AKAP8L: variants seen among roughly 807,000 people sequenced by gnomAD.
AKAP8L encodes the protein A-kinase anchor protein 8-like.
AKAP8L carries 34 observed loss-of-function variants against 77.5 expected under a neutral mutation model. That is an observed-to-expected ratio of 0.44 (90% CI 0.33 to 0.58). AKAP8L has a LOEUF of 0.58. Ranked by LOEUF, AKAP8L falls within the 20% of genes least tolerant of loss-of-function variation. The probability of loss-of-function intolerance (pLI) is 0.02; values close to 1 mark genes in which losing one functional copy is unlikely to be tolerated. For synonymous variants in AKAP8L, 342 were observed against 340.7 expected, an observed-to-expected ratio of 1.00 and a Z score of -0.04; for missense variants, 806 against 887.6, an observed-to-expected ratio of 0.91 and a Z score of 1.17.
intron 2 of AKAP8L, among the ~76,000 whole-genome samples, chr19:15,408,787 G>T (rs1343338983): frequency 6.6e-6 from 1 of 150,780 alleles, no homozygotes; most frequent in Admixed American, 6.6e-5. Flanking sequence ...CGGGAGAATG[G>T]CATGAACCCA....
rs190942147 is a variant in AKAP8L, at chr19:15,402,681, C to G, written c.362+794G>C. Among the ~76,000 whole-genome samples, 350 of 152,344 alleles carry G rather than the reference C, an allele frequency of 2.3e-3. 2 individuals carry two copies. Among genetic ancestry groups the G allele is most frequent in the South Asian group, 5.0e-3 (24 of 4,828 alleles). On this transcript the variant is annotated intron_variant, in intron 4 of 13. Coordinates refer to ENST00000397410, the MANE Select transcript of AKAP8L (RefSeq NM_014371.4). ...CCTATCAGTGCTCAGCCAGGCAACT[C>G]CTTACTCTTGGCTCTCACTCATCTG...
In AKAP8L at chr19:15,397,970, A is replaced by C. The variant is rs1967812751; in HGVS notation, c.1158-115T>G. The C allele has an allele frequency of 7.5e-7, 1 of 1,332,666 alleles. No individual in the cohort carries two copies. Among genetic ancestry groups the C allele is most frequent in the Admixed American group, 2.2e-5 (1 of 46,322 alleles). The allele number at this position is 1,332,666 out of a possible 1,614,324, so 82.6% of individuals were successfully genotyped here. ...ACAGGCCTTGCTCACGGGCCTCTGA[A>C]GTACGGTCCCAGCAGAGGGACAGGC... On this transcript the variant is annotated intron_variant, in intron 9 of 13. Transcript: ENST00000397410. The surrounding 1 kb of genome is among the most constrained non-coding windows in gnomAD (Gnocchi z 4.7).
Position 15,398,496 on chromosome 19 carries a change from C to G in AKAP8L, c.1158-641G>C. 3.5e-6 allele frequency: 3 copies of G among 860,290 alleles called. No homozygotes were observed. The highest frequency in any genetic ancestry group is 1.8e-5 in the African/African-American group (1 of 54,830). The allele number at this position is 860,290 out of a possible 1,614,324, so 53.3% of individuals were successfully genotyped here. On this transcript the variant is annotated intron_variant, in intron 9 of 13. Transcript: ENST00000397410. This position sits in a 1 kb window ranked among gnomAD's most constrained non-coding sequence, Gnocchi z 9.2. ...CCTGCCAGAGGGCAGCCTGGAGTCACCTGGGCGAGGTGCTCTGTCTGGGCC... is the reference window on the plus strand; with the variant it reads ...CCTGCCAGAGGGCAGCCTGGAGTCAGCTGGGCGAGGTGCTCTGTCTGGGCC...
chr19:15,415,714 G>A (rs1033712987), intron 1 of AKAP8L, among the ~76,000 whole-genome samples: 3 of 151,996 alleles, frequency 2.0e-5, no homozygotes, highest in Admixed American at 6.6e-5. Flanking sequence ...GTGAAACCCC[G>A]TCTCTACTAA....
rs781461392 is a variant in AKAP8L at position 15,410,610 on chromosome 19, G to T, written c.14-16C>A. ...TGGACAAAGCCTAAACATAAAGACA[G>T]TGGGGTTAATTTCCACAAGCAAGTC... On this transcript the variant is annotated splice_polypyrimidine_tract_variant and intron_variant, in intron 1 of 13. Coordinates refer to ENST00000397410, the MANE Select transcript of AKAP8L (RefSeq NM_014371.4). The T allele has an allele frequency of 6.3e-7, 1 of 1,575,594 alleles. No homozygotes were observed. Among genetic ancestry groups the T allele is most frequent in the Admixed American group, 1.8e-5 (1 of 54,460 alleles).
chr19:15,409,735 G>A (rs1968072117), intron 2 of AKAP8L, among the ~76,000 whole-genome samples: 2 of 152,114 alleles, frequency 1.3e-5, no homozygotes, highest in Non-Finnish European at 2.9e-5. Context: ...GGCTACTTCT[G>A]AATTAGCTAA....
In AKAP8L at chr19:15,388,772, C is replaced by T. The variant is rs375945847; in HGVS notation, c.1537-8160G>A. On this transcript the variant is annotated intron_variant, in intron 12 of 13. Coordinates refer to ENST00000397410, the MANE Select transcript of AKAP8L (RefSeq NM_014371.4). ...CTACTAAAAATACAAAAAAATTAGCCGGGCGTGGTGGCGGGCGCCTGTAGT... is the reference window on the plus strand; with the variant it reads ...CTACTAAAAATACAAAAAAATTAGCTGGGCGTGGTGGCGGGCGCCTGTAGT... 1.1e-3 allele frequency among the ~76,000 whole-genome samples: 163 copies of T among 150,548 alleles called. No homozygotes were observed. In the East Asian group the frequency reaches 0.029, roughly 26 times the overall value.
chr19:15,390,998 A>G (rs1967648180), intron 12 of AKAP8L, among the ~76,000 whole-genome samples: 1 of 152,234 alleles, frequency 6.6e-6, no homozygotes, highest in Non-Finnish European at 1.5e-5. Flanking sequence ...TAAGATCAGA[A>G]AGATGAGGAC....
Position 15,401,597 on chromosome 19 carries a change from G to C in AKAP8L, c.369C>G (p.Asp123Glu). The C allele has an allele frequency of 6.3e-7, 1 of 1,590,256 alleles. No homozygotes were observed. The highest frequency in any genetic ancestry group is 1.3e-5 in the African/African-American group (1 of 74,576). ...CCCTCGAGTCGCAGGACTCATAAGA[G>C]TCATACCTGCAGAGGCATGGGGTGA... ...GVYGSGGERYDSYESCDSRAV... is the reference protein window; with the variant it reads ...GVYGSGGERYESYESCDSRAV... The change falls in exon 5 of 14, where the codon GAC becomes GAG. Residue 123 changes from aspartate to glutamate, a missense_variant. Transcript: ENST00000397410. This position sits in a 1 kb window ranked among gnomAD's most constrained non-coding sequence, Gnocchi z 6.2.
intron 1 of AKAP8L, among the ~76,000 whole-genome samples, chr19:15,416,137 AAAG>A (rs998456553): frequency 6.6e-6 from 1 of 152,112 alleles, no homozygotes; most frequent in African/African-American, 2.4e-5. Context: ...TAAAAAAAAA[AAAG>A]AGTCTTATTT....
rs1389247057 is a variant in AKAP8L, at chr19:15,397,479, T to C, written c.1405+41A>G. The C allele has an allele frequency of 6.4e-7, 1 of 1,573,690 alleles. No homozygotes were observed. The highest frequency in any genetic ancestry group is 1.3e-5 in the African/African-American group (1 of 74,156). On this transcript the variant is annotated intron_variant, in intron 11 of 13. Transcript: ENST00000397410. This position sits in a 1 kb window ranked among gnomAD's most constrained non-coding sequence, Gnocchi z 4.7. ...TGCACCGAAAATCAGGAGTGCAGGC[T>C]GAGGCCTTGCCTGGTGGGAGTGGGC...
intron 12 of AKAP8L, among the ~76,000 whole-genome samples, chr19:15,382,896 T>C (rs1381973217): frequency 6.6e-6 from 1 of 152,246 alleles, no homozygotes; most frequent in Non-Finnish European, 1.5e-5. Context: ...GATTTTCAGA[T>C]GACGGATGAA....
At chr19:15,404,136 CAGAG>C in intron 2 of AKAP8L, 94 bp from the exon 3 acceptor site, 1 of 1,349,038 alleles carries the variant, frequency 7.4e-7, no homozygotes, top group Non-Finnish European at 1.1e-6. Context: ...CCTGACTGGT[CAGAG>C]CAGGCTGCAC....
At chr19:15,387,734 G>A (rs564336216) in intron 12 of AKAP8L, among the ~76,000 whole-genome samples, 1 of 152,290 alleles carries the variant, frequency 6.6e-6, no homozygotes, top group East Asian at 1.9e-4. Context: ...GCTGAGGTGG[G>A]TGGCTCATAA....
intron 1 of AKAP8L, among the ~76,000 whole-genome samples, chr19:15,411,864 G>A (rs938913278): frequency 2.0e-5 from 3 of 152,080 alleles, no homozygotes; most frequent in African/African-American, 7.2e-5. Context: ...GACCAGCCTG[G>A]CCAACATGGT....
rs1203018318 is a variant in AKAP8L, at chr19:15,403,639, T to C, written c.198A>G (p.Ser66=). The stretch of plus-strand genomic sequence containing the variant: ...CAGAGCTAGGCATTTCCCAAGAGTG[T>C]GAAGTGGCCATACCATACCCATAGT... ...TTNYGYGMAT[S]HSWEMPSSDT... Residue 66 remains serine (S), a synonymous_variant, in exon 4 of 14, where the codon TCA becomes TCG. Coordinates refer to ENST00000397410, the MANE Select transcript of AKAP8L (RefSeq NM_014371.4). The surrounding 1 kb of genome is among the most constrained non-coding windows in gnomAD (Gnocchi z 4.3). 6.2e-7 allele frequency: 1 copy of C among 1,613,840 alleles called. No homozygotes were observed. The highest frequency in any genetic ancestry group is 2.2e-5 in the East Asian group (1 of 44,880).
In AKAP8L at chr19:15,399,111, C is replaced by G; in HGVS notation, c.1157+191G>C. 1.6e-6 allele frequency: 1 copy of G among 606,204 alleles called. No individual in the cohort carries two copies. The allele number at this position is 606,204 out of a possible 1,614,324, so 37.6% of individuals were successfully genotyped here. Reference sequence around the variant, plus strand: ...CAGACGCCAGCGGTCGCCAGGCGGCCGCAGAGGGGCAGGGGATGAGTCAGG... The same window carrying G: ...CAGACGCCAGCGGTCGCCAGGCGGCGGCAGAGGGGCAGGGGATGAGTCAGG... On this transcript the variant is annotated intron_variant, in intron 9 of 13. Transcript: ENST00000397410. The surrounding 1 kb of genome is among the most constrained non-coding windows in gnomAD (Gnocchi z 6.1).
intron 1 of AKAP8L, among the ~76,000 whole-genome samples, chr19:15,418,245 T>C (rs1274995368): frequency 1.3e-5 from 2 of 152,242 alleles, no homozygotes; most frequent in African/African-American, 4.8e-5. Flanking sequence ...TGAGGAATTC[T>C]TGTCTGTATT....
At position 15,398,823 on chromosome 19, in the gene AKAP8L, G is replaced by T. The variant is rs1031019578; in HGVS notation, c.1157+479C>A. The T allele has an allele frequency of 9.9e-7, 1 of 1,012,954 alleles. No individual in the cohort carries two copies. Among genetic ancestry groups the T allele is most frequent in the African/African-American group, 1.7e-5 (1 of 57,394 alleles). 62.7% of individuals were successfully genotyped at this position (1,012,954 alleles called of 1,614,324 possible). ...GAAGGGCTCAGCCGCAGACAGGCCC[G>T]GCCTGACAGGGCCGGCGGGCAGGGC... On this transcript the variant is annotated intron_variant, in intron 9 of 13. Coordinates refer to ENST00000397410, the MANE Select transcript of AKAP8L (RefSeq NM_014371.4). The surrounding 1 kb of genome is among the most constrained non-coding windows in gnomAD (Gnocchi z 9.2).
Sources: allele counts gnomAD v4.1 joint callset (sites outside exome capture counted in the v4.1 genomes callset), GRCh38; gene constraint gnomAD v4.1.1; non-coding constraint Gnocchi (gnomAD v3.1); transcripts MANE v1.5; gene names NCBI Gene and HGNC (gene_info 2026-07-23, HGNC 2026-07-21).